Variants in ANK3 observed in about 807,000 individuals in gnomAD.
ANK3 encodes the protein ankyrin-3.
Under a neutral mutation model 370.9 loss-of-function variants are expected in ANK3, and 57 were observed. That is an observed-to-expected ratio of 0.15 (90% CI 0.12 to 0.19). The LOEUF (loss-of-function observed/expected upper bound fraction) is 0.19. Among genes scored for constraint, ANK3 ranks in the 10% least tolerant of loss-of-function variants. ANK3 has a pLI of 1.00. For synonymous variants in ANK3, 1,929 were observed against 1,946.3 expected (o/e 0.99, Z 0.23); for missense variants, 4,439 against 5,302.1 (o/e 0.84, Z 5.06).
At chr10:60,082,126 T>C (rs752743990) in intron 35 of ANK3, 24 bp downstream of exon 35, 1 of 1,596,806 alleles carries the variant, frequency 6.3e-7, no homozygotes, top group Non-Finnish European at 8.6e-7. Flanking sequence ...TCTGATAGAA[T>C]AAAAGCAGAA....
At chr10:60,646,768 G>C (rs2078715438) in intron 1 of ANK3, among the ~76,000 whole-genome samples, 1 of 152,122 alleles carries the variant, frequency 6.6e-6, no homozygotes, top group South Asian at 2.1e-4. Context: ...AAAAGGAAGG[G>C]AAAATGTGAA....
At chr10:60,207,206 C>T (rs912402408) in intron 10 of ANK3, among the ~76,000 whole-genome samples, 3 of 152,098 alleles carry the variant, frequency 2.0e-5, no homozygotes, top group African/African-American at 7.2e-5. Context: ...GTCATTCTTT[C>T]CTGTCCACTC....
chr10:60,289,302 C>G (rs369632460), intron 1 of ANK3, among the ~76,000 whole-genome samples: 28 of 141,540 alleles, frequency 2.0e-4, no homozygotes, highest in African/African-American at 6.3e-4. Flanking sequence ...GGGTCTTGCT[C>G]TGTTGCCCAG....
chr10:60,579,761 C>T (rs1452770145), intron 2 of ANK3, among the ~76,000 whole-genome samples: 1 of 152,136 alleles, frequency 6.6e-6, no homozygotes, highest in African/African-American at 2.4e-5. Context: ...ACACATATTC[C>T]TCTTAAAGTG....
In ANK3 at chr10:60,071,650, G is replaced by A. The variant is rs757578753; in HGVS notation, c.9231C>T (p.Leu3077=). Residue 3077 remains leucine, a synonymous_variant, in exon 37 of 44, where the codon CTC becomes CTT. Transcript: ENST00000280772. ...CTCCCTCTGTCTGGGCTAGTGGTGC[G>A]AGTTTTTCCAATCCATCAATGGGAC... ...DHSPIDGLEK[L]APLAQTEGGK... is the part of the protein sequence containing the mutation. The A allele has an allele frequency of 1.8e-5, 29 of 1,608,564 alleles. No homozygotes were observed. The highest frequency in any genetic ancestry group is 1.6e-4 in the South Asian group (14 of 89,926).
intron 2 of ANK3, among the ~76,000 whole-genome samples, chr10:60,417,044 G>A (rs563957380): frequency 4.6e-5 from 7 of 152,256 alleles, no homozygotes; most frequent in South Asian, 2.1e-4. Flanking sequence ...TGAGAGAAGC[G>A]GAGGCTAGGA....
At chr10:60,057,420 TTA>T (rs1342125557) in intron 41 of ANK3, among the ~76,000 whole-genome samples, 4 of 152,212 alleles carry the variant, frequency 2.6e-5, no homozygotes, top group African/African-American at 9.6e-5. Flanking sequence ...TAATATATAC[TTA>T]TATATGTGTG....
At chr10:60,262,243 T>C (rs1454492837) in intron 6 of ANK3, among the ~76,000 whole-genome samples, 4 of 152,190 alleles carry the variant, frequency 2.6e-5, no homozygotes, top group Non-Finnish European at 5.9e-5. Flanking sequence ...GAAATTAAGA[T>C]AGAGATGAGA....
In ANK3 at chr10:60,075,130, T is replaced by C; in HGVS notation, c.5751A>G (p.Ala1917=). ...EMKEDLMRMT[A]ILQTDVPEEK... ...CCTCAGGCACATCTGTCTGTAGTAT[T>C]GCGGTCATCCGCATTAGGTCCTCTT... Residue 1917 remains alanine, a synonymous_variant, in exon 37 of 44, where the codon GCA becomes GCG. Transcript: ENST00000280772. The C allele has an allele frequency of 1.9e-6, 3 of 1,614,170 alleles. No homozygotes were observed. The highest frequency in any genetic ancestry group is 2.5e-6 in the Non-Finnish European group (3 of 1,180,024).
chr10:60,418,561 CATAATA>C (rs546642874), intron 2 of ANK3, among the ~76,000 whole-genome samples: 1 of 151,866 alleles, frequency 6.6e-6, no homozygotes, highest in African/African-American at 2.4e-5. Context: ...AATCTAACAA[CATAATA>C]ATAATATCAA....
At position 60,055,755 on chromosome 10, in the gene ANK3, G is replaced by T; in HGVS notation, c.12968C>A (p.Pro4323His). The T allele has an allele frequency of 6.2e-7, 1 of 1,614,154 alleles. No individual in the cohort carries two copies. Among genetic ancestry groups the T allele is most frequent in the African/African-American group, 1.3e-5 (1 of 75,040 alleles). ...LIIEETKPCV[P>H]VSMKKMSRTS... is the part of the protein sequence containing the mutation. Reference sequence around the variant, plus strand: ...CCTACTCATCTTTTTCATACTGACAGGCACACAGGGTTTAGTCTCTTCTAT... The same window carrying T: ...CCTACTCATCTTTTTCATACTGACATGCACACAGGGTTTAGTCTCTTCTAT... The change falls in exon 42 of 44, where the codon CCT becomes CAT. Residue 4323 changes from proline (P) to histidine (H), a missense_variant. Physicochemically the swap from Pro to His is moderately conservative, Grantham distance 77 (BLOSUM62 -2). This residue lies in a region of ANK3 where 242 missense variants were observed against 228.0 expected (regional missense o/e 1.06). Transcript: ENST00000280772.
chr10:60,578,465 T>G (rs1025859660), intron 2 of ANK3, among the ~76,000 whole-genome samples: 1 of 152,214 alleles, frequency 6.6e-6, no homozygotes, highest in African/African-American at 2.4e-5. Context: ...TCCATGTGTT[T>G]TACTTAATAA....
At chr10:60,107,934 G>C (rs570718890) in intron 27 of ANK3, among the ~76,000 whole-genome samples, 23 of 152,254 alleles carry the variant, frequency 1.5e-4, no homozygotes, top group South Asian at 1.2e-3. Context: ...AAAGCACGAA[G>C]TTATGAAAGC....
At chr10:60,140,633 G>GTTAA in intron 23 of ANK3, 1 of 1,389,114 alleles carries the variant, frequency 7.2e-7, no homozygotes, top group Admixed American at 3.2e-5. Flanking sequence ...CTTAATTGAG[G>GTTAA]TTAAGATCCT....
At chr10:60,287,469 GA>G (rs1450479861) in intron 1 of ANK3, among the ~76,000 whole-genome samples, 1 of 152,168 alleles carries the variant, frequency 6.6e-6, no homozygotes, top group African/African-American at 2.4e-5. Flanking sequence ...AAGGTCCACT[GA>G]GGGTTCTAAG....
Position 60,279,472 on chromosome 10 carries a change from T to C in ANK3, c.216+66A>G, listed in dbSNP as rs914574335. The C allele has an allele frequency of 2.4e-6, 3 of 1,265,598 alleles. No homozygotes were observed. The African/African-American group carries it at 4.5e-5, about 19-fold the overall frequency. The allele number at this position is 1,265,598 out of a possible 1,614,324, so 78.4% of individuals were successfully genotyped here. On this transcript the variant is annotated intron_variant, in intron 2 of 43. Coordinates refer to ENST00000280772, the MANE Select transcript of ANK3 (RefSeq NM_020987.5). ...AAAACCCCACAAATAAATGAAGTCT[T>C]TAAGGAGCTTGAAGTCTGGATTTTT...
chr10:60,442,054 G>C (rs1349581066), intron 2 of ANK3, among the ~76,000 whole-genome samples: 1 of 150,990 alleles, frequency 6.6e-6, no homozygotes, highest in African/African-American at 2.4e-5. Flanking sequence ...GATGTAAAAT[G>C]ATGTATCATT....
In ANK3 at chr10:60,085,247, G is replaced by A; in HGVS notation, c.3755C>T (p.Thr1252Ile). 1 of 1,611,922 alleles carries A rather than the reference G, an allele frequency of 6.2e-7. No individual in the cohort carries two copies. Among genetic ancestry groups the A allele is most frequent in the South Asian group, 1.1e-5 (1 of 90,672 alleles). Reference sequence around the variant, plus strand: ...GATGTCTTCCCACTGAGCAGGCGAAGTGCCCCCTGAGAGAACAACAGCAGA... The same window carrying A: ...GATGTCTTCCCACTGAGCAGGCGAAATGCCCCCTGAGAGAACAACAGCAGA... ...LRLLCSITGG[T>I]SPAQWEDITG... The change falls in exon 31 of 44, where the codon ACT (threonine) becomes ATT (isoleucine). Residue 1252 changes from threonine to isoleucine, a missense_variant. By Grantham distance (89) the Thr-to-Ile change is moderately conservative (BLOSUM62 -1). Around this residue, in one of 13 missense-constraint regions of ANK3, gnomAD observed 702 missense variants for 941.5 expected, o/e 0.75. Coordinates refer to ENST00000280772, the MANE Select transcript of ANK3 (RefSeq NM_020987.5).
chr10:60,104,363 A>AAAAAAAAAAAAAAAAAAAAAAAAAAAAC (rs2091843264), intron 28 of ANK3, among the ~76,000 whole-genome samples: 1 of 18,780 alleles, frequency 5.3e-5, no homozygotes, highest in Non-Finnish European at 1.2e-4. Flanking sequence ...ATCTCAAAAA[A>AAAAAAAAAAAAAAAAAAAAAAAAAAAAC]AAAAAAAAAA....
Sources: gnomAD v4.1 joint callset for allele counts (sites outside exome capture counted in the v4.1 genomes callset) on GRCh38, gnomAD v4.1.1 for gene constraint, gnomAD v4.1.1 regional missense constraint, MANE v1.5 for transcripts, NCBI Gene and HGNC (gene_info 2026-07-23, HGNC 2026-07-21) for gene names.